KIF6: variants seen among roughly 807,000 people sequenced by gnomAD.
KIF6 encodes the protein kinesin family member 6.
KIF6 carries 106 observed loss-of-function variants against 112.7 expected under a neutral mutation model. The ratio of observed to expected loss-of-function variants is 0.94; its 90% CI spans 0.80 to 1.11. The LOEUF (loss-of-function observed/expected upper bound fraction) is 1.11. KIF6 is among the 50% of genes least tolerant of loss of function. The probability of loss-of-function intolerance (pLI) is 0.00; values close to 1 mark genes in which losing one functional copy is unlikely to be tolerated. For synonymous variants in KIF6, 339 were observed against 339.9 expected (o/e 1.00, Z 0.03); for missense variants, 929 against 964.0 (o/e 0.96, Z 0.48).
At chr6:39,366,728 G>A (rs1037789189) in intron 16 of KIF6, among the ~76,000 whole-genome samples, 1 of 152,154 alleles carries the variant, frequency 6.6e-6, no homozygotes, top group East Asian at 1.9e-4. Flanking sequence ...GGCCAGGAGC[G>A]GTTGGGAAGG....
intron 13 of KIF6, among the ~76,000 whole-genome samples, chr6:39,464,547 G>T (rs1773676392): frequency 6.6e-6 from 1 of 152,150 alleles, no homozygotes; most frequent in African/African-American, 2.4e-5. Flanking sequence ...CAGAAACTAT[G>T]AGCATCTGTT....
chr6:39,603,382 C>T (rs1782681063), intron 6 of KIF6, among the ~76,000 whole-genome samples: 1 of 152,018 alleles, frequency 6.6e-6, no homozygotes, highest in South Asian at 2.1e-4. Context: ...GCCCTTTATT[C>T]CTCTCCCTGG....
intron 9 of KIF6, among the ~76,000 whole-genome samples, chr6:39,581,475 C>A (rs1203396082): frequency 6.6e-6 from 1 of 151,946 alleles, no homozygotes; most frequent in African/African-American, 2.4e-5. Context: ...CATTTTCTAA[C>A]TTCTTTTGCT....
chr6:39,678,088 A>T (rs1389417402), intron 3 of KIF6, among the ~76,000 whole-genome samples: 1 of 152,028 alleles, frequency 6.6e-6, no homozygotes, highest in African/African-American at 2.4e-5. Flanking sequence ...AATGCAAATC[A>T]AAACCACTAT....
Position 39,593,385 on chromosome 6 carries a change from T to G in KIF6, c.846+2669A>C, listed in dbSNP as rs149119947. 7.0e-4 allele frequency among the ~76,000 whole-genome samples: 106 copies of G among 152,360 alleles called. No homozygotes were observed. In the Middle Eastern group the frequency reaches 0.01, roughly 15 times the overall value. ...GTACCGTTTGGTTTTCTCTTCTTTC[T>G]GTGTGAAATTCAAAAATTTCTCTTC... On this transcript the variant is annotated intron_variant, in intron 7 of 22. Coordinates refer to ENST00000287152, the MANE Select transcript of KIF6 (RefSeq NM_145027.6).
intron 15 of KIF6, among the ~76,000 whole-genome samples, chr6:39,414,990 C>G (rs1043483186): frequency 6.6e-6 from 1 of 151,704 alleles, no homozygotes; most frequent in Non-Finnish European, 1.5e-5. Context: ...AGTTCAAGAT[C>G]AGCCTGGCCA....
At chr6:39,479,074 C>T (rs1043538873) in intron 13 of KIF6, among the ~76,000 whole-genome samples, 7 of 152,122 alleles carry the variant, frequency 4.6e-5, no homozygotes, top group African/African-American at 1.7e-4. Flanking sequence ...GTTGACTGTT[C>T]CTTTTGCTAT....
intron 17 of KIF6, 84 bp downstream of exon 17, chr6:39,362,350 A>C: frequency 3.0e-6 from 3 of 983,618 alleles, no homozygotes; most frequent in South Asian, 2.6e-5. Context: ...ATCCCTGAGT[A>C]GCTGCAGCCC....
chr6:39,724,909 C>T (rs1790446976), intron 1 of KIF6, among the ~76,000 whole-genome samples: 1 of 152,154 alleles, frequency 6.6e-6, no homozygotes, highest in Non-Finnish European at 1.5e-5. Context: ...GCAATAAGTG[C>T]TTATGTGTAG....
At chr6:39,419,433 G>A (rs936097258) in intron 15 of KIF6, among the ~76,000 whole-genome samples, 1 of 151,928 alleles carries the variant, frequency 6.6e-6, no homozygotes, top group East Asian at 1.9e-4. Context: ...CCTTTGCAGG[G>A]GTACTCACCT....
At chr6:39,486,393 C>G (rs763439242) in intron 13 of KIF6, among the ~76,000 whole-genome samples, 38 of 152,286 alleles carry the variant, frequency 2.5e-4, no homozygotes, top group Non-Finnish European at 4.4e-4. Context: ...GTGGATGGGC[C>G]ATCTGGGGCC....
intron 5 of KIF6, chr6:39,617,800 C>T (rs1345447703): frequency 4.4e-6 from 2 of 451,836 alleles, no homozygotes; most frequent in East Asian, 1.4e-4. Flanking sequence ...GCAGGTGGGC[C>T]TCATGACAAT....
Position 39,378,093 on chromosome 6 carries a change from G to A in KIF6, c.1861+7529C>T, listed in dbSNP as rs1466996073. Among the ~76,000 whole-genome samples the A allele has an allele frequency of 1.3e-5, 2 of 152,094 alleles. No individual in the cohort carries two copies. Among genetic ancestry groups the A allele is most frequent in the Non-Finnish European group, 2.9e-5 (2 of 68,028 alleles). On this transcript the variant is annotated intron_variant, in intron 16 of 22. Coordinates refer to ENST00000287152, the MANE Select transcript of KIF6 (RefSeq NM_145027.6). This position sits in a 1 kb window ranked among gnomAD's most constrained non-coding sequence, Gnocchi z 5.0. ...TATATGAAACATGCTCGCTGTCGAG[G>A]AAATGGGATGTTCCAGTAAGCTCTG...
At chr6:39,470,585 G>A (rs981954338) in intron 13 of KIF6, among the ~76,000 whole-genome samples, 1 of 152,192 alleles carries the variant, frequency 6.6e-6, no homozygotes, top group African/African-American at 2.4e-5. Context: ...CCCGGGTGAT[G>A]TGGAGAATGT....
chr6:39,595,427 T>G (rs533503251), intron 7 of KIF6, among the ~76,000 whole-genome samples: 18 of 152,296 alleles, frequency 1.2e-4, no homozygotes, highest in African/African-American at 4.3e-4. Context: ...AAGAGGGGGA[T>G]AGTAACTAAC....
At chr6:39,518,533 C>T (rs1342467473) in intron 13 of KIF6, among the ~76,000 whole-genome samples, 1 of 152,118 alleles carries the variant, frequency 6.6e-6, no homozygotes. Context: ...CAACATAGGA[C>T]TTGAAATATG....
Position 39,431,033 on chromosome 6 carries a change from G to A in KIF6, c.1754+20C>T. The A allele has an allele frequency of 4.0e-6, 6 of 1,516,676 alleles. No homozygotes were observed. The highest frequency in any genetic ancestry group is 5.5e-6 in the Non-Finnish European group (6 of 1,094,304). 94.0% of individuals were successfully genotyped at this position (1,516,676 alleles called of 1,614,324 possible). On this transcript the variant is annotated intron_variant, in intron 14 of 22. Transcript: ENST00000287152. ...CTGGCTGAGCCTCGGAGGACCAGCTGCTCTCTGAGACAGCCTTACCTCTGT... is the reference window on the plus strand; with the variant it reads ...CTGGCTGAGCCTCGGAGGACCAGCTACTCTCTGAGACAGCCTTACCTCTGT...
intron 13 of KIF6, among the ~76,000 whole-genome samples, chr6:39,466,833 G>A (rs1346183018): frequency 6.6e-6 from 1 of 152,218 alleles, no homozygotes; most frequent in Non-Finnish European, 1.5e-5. Context: ...TCTTCCAGGT[G>A]AAGCAGGCCA....
intron 4 of KIF6, among the ~76,000 whole-genome samples, chr6:39,636,614 C>T (rs928361435): frequency 6.6e-6 from 1 of 151,924 alleles, no homozygotes; most frequent in Non-Finnish European, 1.5e-5. Context: ...TAAAATATTC[C>T]ATGGAATACT....
Sources: allele counts gnomAD v4.1 joint callset (sites outside exome capture counted in the v4.1 genomes callset), GRCh38; gene constraint gnomAD v4.1.1; non-coding constraint Gnocchi (gnomAD v3.1); transcripts MANE v1.5; gene names NCBI Gene and HGNC (gene_info 2026-07-23, HGNC 2026-07-21).